The following MAP7 variants were observed in gnomAD, a reference collection of about 807,000 sequenced individuals.
The protein encoded by MAP7 is microtubule associated protein 7, also known as ensconsin.
A neutral mutation model predicts 94.8 loss-of-function variants in MAP7; 52 were observed. The ratio of observed to expected loss-of-function variants is 0.55; its 90% CI spans 0.44 to 0.69. The LOEUF is 0.69. Ranked by LOEUF, MAP7 falls within the 30% of genes least tolerant of loss-of-function variation. The pLI, the probability that MAP7 is intolerant of heterozygous loss-of-function variation, is 0.00. For missense variants in MAP7, 940 were observed against 964.6 expected (o/e 0.97, Z 0.34); for synonymous variants, 350 against 357.0 (o/e 0.98, Z 0.22).
chr6:136,458,126 C>A (rs1803966732), intron 1 of MAP7, among the ~76,000 whole-genome samples: 1 of 152,114 alleles, frequency 6.6e-6, no homozygotes. Context: ...AGTTGCATTT[C>A]TACATACTAT....
In MAP7 at chr6:136,356,914, C is replaced by A. The variant is rs1323541204; in HGVS notation, c.1913-120G>T. 7.0e-6 allele frequency: 5 copies of A among 716,290 alleles called. No individual in the cohort carries two copies. In the East Asian group the frequency reaches 1.3e-4, roughly 19 times the overall value. The allele number at this position is 716,290 out of a possible 1,614,324, so 44.4% of individuals were successfully genotyped here. A position where few individuals can be genotyped will look rare whatever the true frequency, so the allele number is the denominator to read the frequency against. ...TTCTGCTACTTAAGTGATGTGAGAC[C>A]TTGGGCACATCACCTAAACTCTCTG... is the stretch of plus-strand genomic sequence containing the variant. On this transcript the variant is annotated intron_variant, in intron 15 of 17. Coordinates refer to ENST00000354570, the MANE Select transcript of MAP7 (RefSeq NM_003980.6).
Position 136,434,587 on chromosome 6 carries a change from C to T in MAP7, c.68-12788G>A, listed in dbSNP as rs568125843. 9.4e-5 allele frequency among the ~76,000 whole-genome samples: 14 copies of T among 149,428 alleles called. No homozygotes were observed. The South Asian group carries it at 2.6e-3, about 28-fold the overall frequency. On this transcript the variant is annotated intron_variant, in intron 1 of 17. Transcript: ENST00000354570. ...TTTATTTTTTTAAATCATCTTTCTA[C>T]TAGGCAAGGAATTTTTTTTTTTTTT...
chr6:136,372,759 G>A (rs1272626475), intron 7 of MAP7, 134 bp from the exon 8 acceptor site: 1 of 1,100,340 alleles, frequency 9.1e-7, no homozygotes, highest in South Asian at 1.4e-5. Context: ...AGAAAAGTAG[G>A]AAGAAGATGT....
rs78302547 is a variant in MAP7 at position 136,539,215 on chromosome 6, A to C, written c.67+11127T>G. Among the ~76,000 whole-genome samples the C allele has an allele frequency of 5.9e-5, 9 of 152,308 alleles. No individual in the cohort carries two copies. The East Asian group carries it at 1.7e-3, about 29-fold the overall frequency. On this transcript the variant is annotated intron_variant, in intron 1 of 17. Transcript: ENST00000354570. Reference sequence around the variant, plus strand: ...TGTTCTAAGAACTTTAGTATCAACTAATTTAATCCCTGTGACGATATTACC... The same window carrying C: ...TGTTCTAAGAACTTTAGTATCAACTCATTTAATCCCTGTGACGATATTACC...
intron 3 of MAP7, among the ~76,000 whole-genome samples, chr6:136,405,398 T>A (rs527272333): frequency 6.0e-4 from 92 of 152,216 alleles, no homozygotes; most frequent in African/African-American, 2.1e-3. Flanking sequence ...GCTGAGAAGG[T>A]GGCATTTAAA....
intron 10 of MAP7, among the ~76,000 whole-genome samples, chr6:136,363,913 A>G (rs559823088): frequency 2.0e-5 from 3 of 152,338 alleles, no homozygotes; most frequent in Non-Finnish European, 2.9e-5. Flanking sequence ...CCACCACTAC[A>G]TATTCTGACT....
intron 1 of MAP7, among the ~76,000 whole-genome samples, chr6:136,451,652 G>A (rs565906648): frequency 1.3e-5 from 2 of 152,240 alleles, no homozygotes; most frequent in South Asian, 2.1e-4. Context: ...TGATGGAGCC[G>A]AGCAAAGTAA....
chr6:136,463,065 T>G (rs1176928911), intron 1 of MAP7, among the ~76,000 whole-genome samples: 1 of 151,780 alleles, frequency 6.6e-6, no homozygotes, highest in East Asian at 1.9e-4. Context: ...TTATTGAAAA[T>G]CAAAGAATCA....
rs759241715 is a variant in MAP7 at position 136,526,409 on chromosome 6, A to G, written c.67+23933T>C. ...CTTCCTGCTGCAGCACCTTTTTCCA[A>G]TCTTCTTCCTGCTACCACACAGTAA... On this transcript the variant is annotated intron_variant, in intron 1 of 17. Transcript: ENST00000354570. 45 of 988,216 alleles carry G rather than the reference A, an allele frequency of 4.6e-5. 1 individual carries two copies. Among genetic ancestry groups the G allele is most frequent in the Middle Eastern group, 5.1e-4 (1 of 1,950 alleles). 61.2% of individuals were successfully genotyped at this position (988,216 alleles called of 1,614,324 possible). A position where few individuals can be genotyped will look rare whatever the true frequency, so the allele number is the denominator to read the frequency against.
chr6:136,451,624 C>T (rs1242504794), intron 1 of MAP7, among the ~76,000 whole-genome samples: 1 of 152,172 alleles, frequency 6.6e-6, no homozygotes, highest in East Asian at 1.9e-4. Context: ...AAGGCTATAG[C>T]TGCCATAGTG....
chr6:136,415,613 TA>T lies in MAP7; in HGVS notation c.167-3917del, dbSNP rs146637980. ...CCCTGTGAAGTGCCTTTTGAATGTA[TA>T]TTCTGAAAATAGTTGAAGAAGTGCT... On this transcript the variant is annotated intron_variant, in intron 2 of 17. Coordinates refer to ENST00000354570, the MANE Select transcript of MAP7 (RefSeq NM_003980.6). 4.5e-4 allele frequency among the ~76,000 whole-genome samples: 69 copies of T among 152,350 alleles called. 2 individuals are homozygous for T. In the East Asian group the frequency reaches 0.013, roughly 29 times the overall value.
chr6:136,362,430 G>C lies in MAP7; in HGVS notation c.1526+20C>G. On this transcript the variant is annotated intron_variant, in intron 11 of 17. Transcript: ENST00000354570. ...AAAGTATCACTGACACCATGGTGTG[G>C]AGCAATGTCTCCCATTTACCTTTCA... 3.1e-6 allele frequency: 5 copies of C among 1,612,188 alleles called. No homozygotes were observed. The highest frequency in any genetic ancestry group is 3.4e-6 in the Non-Finnish European group (4 of 1,179,266).
In MAP7 at chr6:136,464,817, G is replaced by A. The variant is rs148055439; in HGVS notation, c.68-43018C>T. On this transcript the variant is annotated intron_variant, in intron 1 of 17. Coordinates refer to ENST00000354570, the MANE Select transcript of MAP7 (RefSeq NM_003980.6). ...TACTGGTTGCCAGGCACTGTTCTACGTGCTTGGGATACATCAGTGAACAAA... is the reference window on the plus strand; with the variant it reads ...TACTGGTTGCCAGGCACTGTTCTACATGCTTGGGATACATCAGTGAACAAA... 1.1e-3 allele frequency among the ~76,000 whole-genome samples: 168 copies of A among 152,258 alleles called. 5 individuals are homozygous for A. The East Asian group carries it at 0.03, about 28-fold the overall frequency.
chr6:136,362,474 C>G lies in MAP7; in HGVS notation c.1502G>C (p.Arg501Thr). 6.2e-7 allele frequency: 1 copy of G among 1,614,160 alleles called. No homozygotes were observed. The highest frequency in any genetic ancestry group is 2.2e-5 in the East Asian group (1 of 44,884). Reference protein sequence around the residue: ...REQREKEERERREQEELERQK... With the variant: ...REQREKEERETREQEELERQK... ...CCTTTCAAGCTCTTCCTGCTCCCTC[C>G]TCTCCCTTTCTTCCTTTTCTCTCTG... The change falls in exon 11 of 18, where the codon AGG (arginine) becomes ACG (threonine). Residue 501 changes from arginine to threonine, a missense_variant. Arg to Thr is a moderately conservative substitution (Grantham distance 71, BLOSUM62 -1). Transcript: ENST00000354570.
intron 1 of MAP7, among the ~76,000 whole-genome samples, chr6:136,464,607 T>G (rs1436797990): frequency 6.6e-6 from 1 of 152,264 alleles, no homozygotes; most frequent in Non-Finnish European, 1.5e-5. Flanking sequence ...GAACCATGGA[T>G]GGAAGGACTA....
At chr6:136,495,503 G>C (rs1041507710) in intron 1 of MAP7, among the ~76,000 whole-genome samples, 1 of 151,946 alleles carries the variant, frequency 6.6e-6, no homozygotes, top group Admixed American at 6.6e-5. Flanking sequence ...CACACACGTA[G>C]AGCATATCTA....
At chr6:136,358,751 A>G (rs953443721) in intron 15 of MAP7, among the ~76,000 whole-genome samples, 1 of 152,232 alleles carries the variant, frequency 6.6e-6, no homozygotes, top group Non-Finnish European at 1.5e-5. Flanking sequence ...TTTCATATTG[A>G]TATCACACAT....
At chr6:136,370,400 G>A (rs565053236) in intron 8 of MAP7, among the ~76,000 whole-genome samples, 81 of 152,326 alleles carry the variant, frequency 5.3e-4, no homozygotes, top group Non-Finnish European at 9.4e-4. Context: ...ATATGATCCA[G>A]CAATCCCTAT....
intron 1 of MAP7, among the ~76,000 whole-genome samples, chr6:136,541,016 T>C (rs995891267): frequency 6.6e-6 from 1 of 152,192 alleles, no homozygotes; most frequent in Non-Finnish European, 1.5e-5. Context: ...ACCACGCCTG[T>C]GGTGAAGTTG....
Sources: gnomAD v4.1 joint callset for allele counts (sites outside exome capture counted in the v4.1 genomes callset) on GRCh38, gnomAD v4.1.1 for gene constraint, MANE v1.5 for transcripts, NCBI Gene and HGNC (gene_info 2026-07-23, HGNC 2026-07-21) for gene names.